The following ORC3 variants were observed in gnomAD, a reference collection of about 807,000 sequenced individuals.
ORC3 encodes the protein origin recognition complex subunit 3, also known as homolog of latheo, Drosophila.
Under a neutral mutation model 100.7 loss-of-function variants are expected in ORC3, and 78 were observed. That is an observed-to-expected ratio of 0.77 (90% CI 0.65 to 0.94). ORC3 has a LOEUF of 0.94. Among genes scored for constraint, ORC3 ranks in the 40% least tolerant of loss-of-function variants. The probability of loss-of-function intolerance (pLI) is 0.00; values close to 1 mark genes in which losing one functional copy is unlikely to be tolerated. For synonymous variants in ORC3, 295 were observed against 289.3 expected, an observed-to-expected ratio of 1.02 and a Z score of -0.20; for missense variants, 789 against 823.9, an observed-to-expected ratio of 0.96 and a Z score of 0.52.
intron 14 of ORC3, among the ~76,000 whole-genome samples, chr6:87,654,144 T>C (rs1311852264): frequency 1.3e-5 from 2 of 152,222 alleles, no homozygotes; most frequent in Admixed American, 1.3e-4. Context: ...TTATTTAAAA[T>C]GTCTGTTTTA....
At chr6:87,656,584 C>G (rs1332529161) in intron 14 of ORC3, among the ~76,000 whole-genome samples, 1 of 150,884 alleles carries the variant, frequency 6.6e-6, no homozygotes, top group Non-Finnish European at 1.5e-5. Context: ...AAGACTCCAT[C>G]TGAAAAAAAA....
chr6:87,653,187 A>G lies in ORC3; in HGVS notation c.1454A>G (p.Asn485Ser). The G allele has an allele frequency of 6.2e-7, 1 of 1,613,882 alleles. No individual in the cohort carries two copies. The highest frequency in any genetic ancestry group is 8.5e-7 in the Non-Finnish European group (1 of 1,179,852). Residue 485 changes from asparagine to serine, a missense_variant, in exon 14 of 20, where the codon AAC (asparagine) becomes AGC (serine). Coordinates refer to ENST00000392844, the MANE Select transcript of ORC3 (RefSeq NM_012381.4). ...CFKVFKSYCE[N>S]HLGSTAKRIE... ...AAGGTTTTTAAGTCTTATTGTGAAA[A>G]CCACCTTGGCAGCACAGCTAAGAGA...
intron 1 of ORC3, among the ~76,000 whole-genome samples, chr6:87,592,896 A>G (rs1777141159): frequency 6.6e-6 from 1 of 152,140 alleles, no homozygotes; most frequent in Admixed American, 6.5e-5. Context: ...GTGCGAGACC[A>G]GCCTGGCCAA....
Position 87,648,827 on chromosome 6 carries a change from A to G in ORC3, c.1383-4289A>G, listed in dbSNP as rs555765063. Reference sequence around the variant, plus strand: ...TTATTTAATCAGACCCTTTTTTGATACATATTTAGATTGTTTCTAATTCTT... The same window carrying G: ...TTATTTAATCAGACCCTTTTTTGATGCATATTTAGATTGTTTCTAATTCTT... On this transcript the variant is annotated intron_variant, in intron 13 of 19. Transcript: ENST00000392844. Among the ~76,000 whole-genome samples, 16 of 152,306 alleles carry G rather than the reference A, an allele frequency of 1.1e-4. 1 individual carries two copies. In the South Asian group the frequency reaches 3.1e-3, roughly 30 times the overall value.
chr6:87,644,067 T>G (rs2128283619), intron 13 of ORC3, among the ~76,000 whole-genome samples: 1 of 143,048 alleles, frequency 7.0e-6, no homozygotes, highest in South Asian at 2.2e-4. Context: ...CAGATACAGA[T>G]GGCTGACTGT....
rs1778897885 is a variant in ORC3, at chr6:87,613,083, T to C, written c.873+835T>C. ...TATGATTCTTTAATATTGACTGTAT[T>C]AGTCTGTTCTCACGCTGCTGATAAA... On this transcript the variant is annotated intron_variant, in intron 8 of 19. Transcript: ENST00000392844. 1.3e-5 allele frequency among the ~76,000 whole-genome samples: 2 copies of C among 152,222 alleles called. 1 individual carries two copies. The highest frequency in any genetic ancestry group is 2.9e-5 in the Non-Finnish European group (2 of 68,040).
At position 87,634,945 on chromosome 6, in the gene ORC3, A is replaced by G. The variant is rs1562357495; in HGVS notation, c.1286A>G (p.Tyr429Cys). ...LHKFTSSLPK[Y>C]PLGRQIRELY... ...AAGTTCACCTCTTCTCTTCCCAAGT[A>G]TCCACTAGGTCGACAGGTAATCCAA... The change falls in exon 12 of 20, where the codon TAT becomes TGT. Residue 429 changes from tyrosine (Y) to cysteine (C), a missense_variant. Transcript: ENST00000392844. 1 of 1,546,912 alleles carries G rather than the reference A, an allele frequency of 6.5e-7. No individual in the cohort carries two copies. The highest frequency in any genetic ancestry group is 1.1e-5 in the South Asian group (1 of 89,672).
At chr6:87,631,160 A>G (rs887320307) in intron 11 of ORC3, among the ~76,000 whole-genome samples, 14 of 149,330 alleles carry the variant, frequency 9.4e-5, no homozygotes, top group African/African-American at 3.2e-4. Context: ...AAGTGCTGGG[A>G]TTATGGGCAT....
rs549257353 is a variant in ORC3 at position 87,604,411 on chromosome 6, A to G, written c.322+883A>G. On this transcript the variant is annotated intron_variant, in intron 4 of 19. Coordinates refer to ENST00000392844, the MANE Select transcript of ORC3 (RefSeq NM_012381.4). ...ATGCCCATAGTCCCAGGACCACACT[A>G]ATAAGACTCAAGGGAATGATTTTTA... is the stretch of plus-strand genomic sequence containing the variant. Among the ~76,000 whole-genome samples, 5 of 152,292 alleles carry G rather than the reference A, an allele frequency of 3.3e-5. No homozygotes were observed. In the East Asian group the frequency reaches 9.6e-4, roughly 29 times the overall value.
intron 17 of ORC3, 82 bp from the exon 18 acceptor site, chr6:87,664,661 A>G: frequency 2.9e-6 from 3 of 1,050,314 alleles, no homozygotes; most frequent in Non-Finnish European, 2.9e-6. Context: ...TACTCAGTTT[A>G]GGTTGGGGGC....
At chr6:87,677,103 A>G in the ORC3 span, among the ~76,000 whole-genome samples, 20 of 152,056 alleles carry the variant, frequency 1.3e-4, no homozygotes, top group Non-Finnish European at 2.6e-4. Context: ...AAAAATTAAA[A>G]ACAAAGGACT....
At chr6:87,624,915 A>G (rs987304661) in intron 11 of ORC3, among the ~76,000 whole-genome samples, 6 of 151,526 alleles carry the variant, frequency 4.0e-5, no homozygotes, top group Admixed American at 2.0e-4. Context: ...TCATTGTTCA[A>G]CTCCCACTTG....
rs1778456929 is a variant in ORC3, at chr6:87,607,813, A to C, written c.568A>C (p.Thr190Pro). The C allele has an allele frequency of 6.2e-7, 1 of 1,608,082 alleles. No homozygotes were observed. The highest frequency in any genetic ancestry group is 1.3e-5 in the African/African-American group (1 of 74,722). The change falls in exon 6 of 20, where the codon ACT (threonine) becomes CCT (proline). Residue 190 changes from threonine (T) to proline (P), a missense_variant. By Grantham distance (38) the Thr-to-Pro change is conservative. This residue lies in a region of ORC3 where 399 missense variants were observed against 382.0 expected (regional missense o/e 1.04). Coordinates refer to ENST00000392844, the MANE Select transcript of ORC3 (RefSeq NM_012381.4). ...GGATTCACTTTCCAGTTGGTATATG[A>C]CTGTCACACAGGTAGATATAAACTG... ...SMDSLSSWYM[T>P]VTQKTDPKML...
chr6:87,666,787 A>G (rs536275377), intron 19 of ORC3, among the ~76,000 whole-genome samples: 1 of 152,060 alleles, frequency 6.6e-6, no homozygotes, highest in Non-Finnish European at 1.5e-5. Context: ...GCGGGGAGCA[A>G]TTTCCATACT....
rs141368639 is a variant in ORC3 at position 87,598,647 on chromosome 6, A to G, written c.80-3137A>G. On this transcript the variant is annotated intron_variant, in intron 2 of 19. Transcript: ENST00000392844. Reference sequence around the variant, plus strand: ...TGTATGATTTGAATTTTGCTTTAGAAGTTTGCTAGGCTTTTTTTTTTTTTT... The same window carrying G: ...TGTATGATTTGAATTTTGCTTTAGAGGTTTGCTAGGCTTTTTTTTTTTTTT... 2.6e-3 allele frequency among the ~76,000 whole-genome samples: 385 copies of G among 150,822 alleles called. 2 individuals carry two copies. The highest frequency in any genetic ancestry group is 8.8e-3 in the African/African-American group (363 of 41,188).
At chr6:87,658,108 C>T in intron 16 of ORC3, 90 bp downstream of exon 16, 3 of 676,704 alleles carry the variant, frequency 4.4e-6, no homozygotes, top group Non-Finnish European at 7.8e-6. Context: ...CAATCCAGAA[C>T]ATTTTTCTCC....
At chr6:87,676,596 A>AACACAC in the ORC3 span, among the ~76,000 whole-genome samples, 2,446 of 142,084 alleles carry the variant, frequency 0.017, 54 homozygotes, top group Admixed American at 0.049. Flanking sequence ...CTCTACTAAA[A>AACACAC]ACACACACAC....
chr6:87,610,829 A>C (rs1778702047), intron 7 of ORC3, among the ~76,000 whole-genome samples: 1 of 150,492 alleles, frequency 6.6e-6, no homozygotes, highest in African/African-American at 2.5e-5. Context: ...CTGGGATTAC[A>C]GGCGTGAGCC....
chr6:87,609,107 A>G lies in ORC3; in HGVS notation c.591A>G (p.Pro197=). ...CAATGGCTTAAAAGAAGACGGACCC[A>G]AAAATGCTAAGCAAAAAAAGGACTA... ...WYMTVTQKTD[P]KMLSKKRTTS... Residue 197 remains proline, a synonymous_variant, in exon 7 of 20, where the codon CCA becomes CCG. Coordinates refer to ENST00000392844, the MANE Select transcript of ORC3 (RefSeq NM_012381.4). 1 of 1,601,894 alleles carries G rather than the reference A, an allele frequency of 6.2e-7. No homozygotes were observed. The highest frequency in any genetic ancestry group is 8.5e-7 in the Non-Finnish European group (1 of 1,176,958).
Sources: allele counts gnomAD v4.1 joint callset (sites outside exome capture counted in the v4.1 genomes callset), GRCh38; gene constraint gnomAD v4.1.1; regional missense constraint gnomAD v4.1.1; transcripts MANE v1.5; gene names NCBI Gene and HGNC (gene_info 2026-07-23, HGNC 2026-07-21).